The following CDH7 variants were observed in gnomAD, a reference collection of about 807,000 sequenced individuals.
The protein encoded by CDH7 is cadherin 7, also known as cadherin-7.
CDH7 carries 25 observed loss-of-function variants against 71.8 expected under a neutral mutation model. That is an observed-to-expected ratio of 0.35 (90% CI 0.25 to 0.49). The LOEUF is 0.49. CDH7 is among the 20% of genes least tolerant of loss of function. The probability of loss-of-function intolerance (pLI) is 0.99; values close to 1 mark genes in which losing one functional copy is unlikely to be tolerated. For missense variants in CDH7, 862 were observed against 974.6 expected (o/e 0.88, Z 1.54); for synonymous variants, 381 against 363.8 (o/e 1.05, Z -0.54).
At chr18:65,784,047 G>T (rs1286291201) in intron 2 of CDH7, among the ~76,000 whole-genome samples, 1 of 151,312 alleles carries the variant, frequency 6.6e-6, no homozygotes, top group Non-Finnish European at 1.5e-5. Context: ...CACCTTCCTG[G>T]CTCTAGGGAT....
Position 65,799,332 on chromosome 18 carries a change from A to G in CDH7, c.211-10372A>G, listed in dbSNP as rs541281686. On this transcript the variant is annotated intron_variant, in intron 2 of 11. Coordinates refer to ENST00000397968, the MANE Select transcript of CDH7 (RefSeq NM_004361.5). ...GAACCTGGTAGGATCACCCTGCTGT[A>G]GGAAAGAGAAGCATACATCAACCCC... is the stretch of plus-strand genomic sequence containing the variant. Among the ~76,000 whole-genome samples the G allele has an allele frequency of 3.1e-3, 469 of 152,180 alleles. 1 individual carries two copies. The highest frequency in any genetic ancestry group is 8.4e-3 in the African/African-American group (347 of 41,540).
intron 4 of CDH7, among the ~76,000 whole-genome samples, chr18:65,819,746 G>T (rs8092809): frequency 0.86 from 129,665 of 151,404 alleles, 57,365 homozygotes; most frequent in East Asian, 0.99. Flanking sequence ...ATTCCCCTTG[G>T]AATGGTAGTG....
chr18:65,778,170 G>A (rs1258962010), intron 2 of CDH7, among the ~76,000 whole-genome samples: 5 of 151,218 alleles, frequency 3.3e-5, no homozygotes, highest in Non-Finnish European at 7.4e-5. Flanking sequence ...TACTCAGGAG[G>A]CTGAGGCAGG....
chr18:65,752,742 T>TC (rs1211240691), intron 1 of CDH7, among the ~76,000 whole-genome samples: 1 of 152,134 alleles, frequency 6.6e-6, no homozygotes, highest in African/African-American at 2.4e-5. Flanking sequence ...ACATCCAACG[T>TC]CAATAGTCTT....
At chr18:65,859,639 T>G (rs1913487798) in intron 9 of CDH7, 69 bp from the exon 10 acceptor site, 1 of 913,340 alleles carries the variant, frequency 1.1e-6, no homozygotes, top group Non-Finnish European at 1.8e-6. Flanking sequence ...TAAAATTGCT[T>G]TGTCCTGCCA....
chr18:65,781,786 C>CTTTCTTTCTTTCTTTCTAT (rs1910211643), intron 2 of CDH7, among the ~76,000 whole-genome samples: 1 of 67,324 alleles, frequency 1.5e-5, no homozygotes, highest in African/African-American at 1.0e-4. Context: ...TTCCTTCCTT[C>CTTTCTTTCTTTCTTTCTAT]CTTCCTTCCT....
chr18:65,792,406 A>G (rs1910747357), intron 2 of CDH7, among the ~76,000 whole-genome samples: 1 of 152,060 alleles, frequency 6.6e-6, no homozygotes, highest in Non-Finnish European at 1.5e-5. Context: ...TTCCCGTGTC[A>G]TTTCCCTCAG....
chr18:65,769,813 A>G (rs536124439), intron 2 of CDH7, among the ~76,000 whole-genome samples: 2 of 152,258 alleles, frequency 1.3e-5, no homozygotes, highest in South Asian at 4.2e-4. Flanking sequence ...TTTGGCAAGT[A>G]TAAGACAGAA....
chr18:65,795,485 T>C (rs959901047), intron 2 of CDH7, among the ~76,000 whole-genome samples: 1 of 152,046 alleles, frequency 6.6e-6, no homozygotes, highest in African/African-American at 2.4e-5. Flanking sequence ...GTAGTTCAAA[T>C]TGAAATAGAA....
At chr18:65,830,556 T>TCCTTCCTTCTTG in intron 6 of CDH7, among the ~76,000 whole-genome samples, 1 of 150,568 alleles carries the variant, frequency 6.6e-6, no homozygotes, top group Non-Finnish European at 1.5e-5. Context: ...CTTCCTTCTT[T>TCCTTCCTTCTTG]CCTTCCTCTC....
intron 1 of CDH7, among the ~76,000 whole-genome samples, chr18:65,759,139 A>C (rs2143778914): frequency 6.6e-6 from 1 of 152,342 alleles, no homozygotes; most frequent in East Asian, 1.9e-4. Flanking sequence ...AGAAGAGTAC[A>C]TTAAACAGCT....
chr18:65,807,153 G>T (rs1036820189), intron 2 of CDH7, among the ~76,000 whole-genome samples: 2 of 152,028 alleles, frequency 1.3e-5, no homozygotes, highest in Non-Finnish European at 2.9e-5. Context: ...AGAAGAGAAA[G>T]AATTTGATTG....
chr18:65,857,357 ATAAT>A (rs1568223704), intron 7 of CDH7, among the ~76,000 whole-genome samples: 50 of 122,578 alleles, frequency 4.1e-4, no homozygotes, highest in African/African-American at 1.7e-3. Flanking sequence ...AATAATAATA[ATAAT>A]AAAATAGCCA....
intron 5 of CDH7, among the ~76,000 whole-genome samples, chr18:65,823,619 A>G (rs1912017785): frequency 6.6e-6 from 1 of 151,974 alleles, no homozygotes; most frequent in South Asian, 2.1e-4. Flanking sequence ...GGGGTCACTC[A>G]AAAGTAATAG....
chr18:65,775,739 A>G (rs1287327719), intron 2 of CDH7, among the ~76,000 whole-genome samples: 1 of 152,204 alleles, frequency 6.6e-6, no homozygotes, highest in Non-Finnish European at 1.5e-5. Flanking sequence ...CCTGGGCTGC[A>G]TGTAGCCTGT....
rs544130118 is a variant in CDH7, at chr18:65,788,377, C to T, written c.211-21327C>T. Among the ~76,000 whole-genome samples the T allele has an allele frequency of 2.6e-5, 4 of 152,210 alleles. No homozygotes were observed. The East Asian group carries it at 7.7e-4, about 29-fold the overall frequency. ...ATAGTTGGCTTCTGAGTGCTTTAATCTACTCATCCTAAGTAACATATAAAA... is the reference window on the plus strand; with the variant it reads ...ATAGTTGGCTTCTGAGTGCTTTAATTTACTCATCCTAAGTAACATATAAAA... On this transcript the variant is annotated intron_variant, in intron 2 of 11. Transcript: ENST00000397968.
intron 7 of CDH7, among the ~76,000 whole-genome samples, chr18:65,848,514 G>C (rs1426282040): frequency 2.0e-5 from 3 of 151,772 alleles, no homozygotes; most frequent in South Asian, 4.2e-4. Context: ...AGGAGTGGTA[G>C]TGTAAGTAGG....
chr18:65,781,255 G>C (rs773024900), intron 2 of CDH7, among the ~76,000 whole-genome samples: 9 of 152,148 alleles, frequency 5.9e-5, no homozygotes, highest in Non-Finnish European at 8.8e-5. Context: ...CTTTTACATA[G>C]ATTAGCCTCA....
intron 2 of CDH7, among the ~76,000 whole-genome samples, chr18:65,774,199 A>G (rs1247606839): frequency 6.6e-6 from 1 of 151,960 alleles, no homozygotes; most frequent in Non-Finnish European, 1.5e-5. Context: ...TATTATTATT[A>G]CTGTTATTAA....
Sources: gnomAD v4.1 joint callset for allele counts (sites outside exome capture counted in the v4.1 genomes callset) on GRCh38, gnomAD v4.1.1 for gene constraint, MANE v1.5 for transcripts, NCBI Gene and HGNC (gene_info 2026-07-23, HGNC 2026-07-21) for gene names.